The following STK32B variants were observed in gnomAD, a reference collection of about 807,000 sequenced individuals.
The protein encoded by STK32B is serine/threonine-protein kinase 32B.
A neutral mutation model predicts 52.6 loss-of-function variants in STK32B; 43 were observed. The ratio of observed to expected loss-of-function variants is 0.82; its 90% CI spans 0.64 to 1.05. The LOEUF is 1.05. Ranked by LOEUF, STK32B falls within the 50% of genes least tolerant of loss-of-function variation. The probability of loss-of-function intolerance (pLI) is 0.00; values close to 1 mark genes in which losing one functional copy is unlikely to be tolerated. For missense variants in STK32B, 621 were observed against 534.6 expected (o/e 1.16, Z -1.59); for synonymous variants, 238 against 204.3 (o/e 1.17, Z -1.41).
chr4:5,202,828 G>GT (rs1560221895), intron 3 of STK32B, among the ~76,000 whole-genome samples: 1 of 152,234 alleles, frequency 6.6e-6, no homozygotes, highest in East Asian at 1.9e-4. Context: ...TGGGTAAAAT[G>GT]TAACTATTGA....
intron 3 of STK32B, among the ~76,000 whole-genome samples, chr4:5,213,921 C>A (rs1723042729): frequency 6.6e-6 from 1 of 152,196 alleles, no homozygotes; most frequent in East Asian, 1.9e-4. Context: ...CTTTGAAAAA[C>A]CGCTCCCAAT....
chr4:5,319,715 G>T (rs192754835), intron 3 of STK32B, among the ~76,000 whole-genome samples: 4 of 152,286 alleles, frequency 2.6e-5, no homozygotes, highest in Admixed American at 6.5e-5. Context: ...AGAGAATACA[G>T]TCTTGTTAGT....
intron 4 of STK32B, among the ~76,000 whole-genome samples, chr4:5,364,976 A>C (rs989610331): frequency 6.6e-6 from 1 of 152,138 alleles, no homozygotes; most frequent in South Asian, 2.1e-4. Context: ...CCTGGGTCCA[A>C]GCGATTCTCC....
rs116763253 is a variant in STK32B, at chr4:5,360,146, T to A, written c.434+28753T>A. Among the ~76,000 whole-genome samples, 686 of 152,228 alleles carry A rather than the reference T, an allele frequency of 4.5e-3. 7 individuals are homozygous for A. Among genetic ancestry groups the A allele is most frequent in the Middle Eastern group, 0.02 (6 of 294 alleles). On this transcript the variant is annotated intron_variant, in intron 4 of 11. Transcript: ENST00000282908. ...TCAGATAACCCGCCGTATACCTCTTTTGGCCAAACCAGCCACAGTTCAGTT... is the reference window on the plus strand; with the variant it reads ...TCAGATAACCCGCCGTATACCTCTTATGGCCAAACCAGCCACAGTTCAGTT...
At chr4:5,452,428 C>G (rs1716090238) in intron 7 of STK32B, among the ~76,000 whole-genome samples, 1 of 152,120 alleles carries the variant, frequency 6.6e-6, no homozygotes, top group Admixed American at 6.5e-5. Flanking sequence ...CCAGGAGTCA[C>G]AAGCCTGGGA....
intron 3 of STK32B, among the ~76,000 whole-genome samples, chr4:5,235,964 C>T (rs1197271466): frequency 1.3e-5 from 2 of 151,810 alleles, no homozygotes; most frequent in Non-Finnish European, 2.9e-5. Context: ...CATGGGGGAC[C>T]AGCAGGAGGG....
At chr4:5,217,644 A>G (rs896702268) in intron 3 of STK32B, among the ~76,000 whole-genome samples, 3 of 152,256 alleles carry the variant, frequency 2.0e-5, no homozygotes, top group African/African-American at 7.2e-5. Flanking sequence ...TCCAAGAGCC[A>G]TCTGACTTAT....
chr4:5,161,827 T>C (rs1718468930), intron 2 of STK32B, among the ~76,000 whole-genome samples: 1 of 152,234 alleles, frequency 6.6e-6, no homozygotes, highest in South Asian at 2.1e-4. Flanking sequence ...TAATTGTTTT[T>C]CTTCCCCCTA....
chr4:5,079,764 C>T (rs1314108333), intron 1 of STK32B, among the ~76,000 whole-genome samples: 1 of 152,162 alleles, frequency 6.6e-6, no homozygotes, highest in African/African-American at 2.4e-5. Context: ...GGCCACTGTA[C>T]TCTTTTGTCT....
intron 6 of STK32B, among the ~76,000 whole-genome samples, chr4:5,429,740 G>C (rs1478447433): frequency 2.0e-5 from 3 of 151,872 alleles, no homozygotes; most frequent in African/African-American, 7.3e-5. Context: ...TAACAATTTT[G>C]ACTATTAAAA....
intron 1 of STK32B, among the ~76,000 whole-genome samples, chr4:5,080,474 C>G (rs909767214): frequency 2.6e-5 from 4 of 152,126 alleles, no homozygotes; most frequent in African/African-American, 9.7e-5. Flanking sequence ...TAGATCTTTT[C>G]TGAAACGTCA....
the STK32B span, among the ~76,000 whole-genome samples, chr4:5,043,629 G>C: frequency 6.6e-6 from 1 of 152,206 alleles, no homozygotes; most frequent in Non-Finnish European, 1.5e-5. Context: ...GGTTGTCCCA[G>C]ACCATGGCTA....
At chr4:5,061,328 C>T (rs902865528) in intron 1 of STK32B, among the ~76,000 whole-genome samples, 11 of 152,190 alleles carry the variant, frequency 7.2e-5, no homozygotes, top group East Asian at 1.9e-4. Context: ...AATTGTCCGT[C>T]GGTTCTCTTT....
At chr4:5,281,112 AGG>A (rs1300105339) in intron 3 of STK32B, among the ~76,000 whole-genome samples, 1 of 151,592 alleles carries the variant, frequency 6.6e-6, no homozygotes, top group Admixed American at 6.6e-5. Flanking sequence ...GAGAGGGCAA[AGG>A]GGGAAGGGCT....
chr4:5,490,444 G>C (rs553860045), intron 11 of STK32B, among the ~76,000 whole-genome samples: 2 of 152,056 alleles, frequency 1.3e-5, no homozygotes, highest in African/African-American at 4.8e-5. Flanking sequence ...ACCAAATTTG[G>C]GGTAAGGCAG....
chr4:5,090,874 A>G (rs1713043102), intron 1 of STK32B, among the ~76,000 whole-genome samples: 1 of 152,184 alleles, frequency 6.6e-6, no homozygotes, highest in African/African-American at 2.4e-5. Context: ...ATTGGTCTAT[A>G]TGAAATGGAC....
intron 2 of STK32B, among the ~76,000 whole-genome samples, chr4:5,158,936 A>G (rs1218964951): frequency 1.3e-5 from 2 of 152,214 alleles, no homozygotes; most frequent in East Asian, 3.9e-4. Flanking sequence ...TTTGGGGGAC[A>G]TACAGCTTAG....
chr4:5,329,547 G>C (rs1042383904), intron 3 of STK32B, among the ~76,000 whole-genome samples: 1 of 151,820 alleles, frequency 6.6e-6, no homozygotes, highest in Admixed American at 6.6e-5. Context: ...TCCCACACTC[G>C]CCTGCACCCT....
chr4:5,468,565 C>T (rs931010878), intron 11 of STK32B, among the ~76,000 whole-genome samples: 1 of 152,154 alleles, frequency 6.6e-6, no homozygotes, highest in African/African-American at 2.4e-5. Flanking sequence ...GTTCTCAACA[C>T]GGCAAGGTAA....
Sources: gnomAD v4.1 joint callset for allele counts (sites outside exome capture counted in the v4.1 genomes callset) on GRCh38, gnomAD v4.1.1 for gene constraint, MANE v1.5 for transcripts, NCBI Gene and HGNC (gene_info 2026-07-23, HGNC 2026-07-21) for gene names.